The following TMEM245 variants were observed in gnomAD, a reference collection of about 807,000 sequenced individuals.
The protein encoded by TMEM245 is transmembrane protein 245, also known as protein CG-2.
Under a neutral mutation model 101.2 loss-of-function variants are expected in TMEM245, and 69 were observed. The ratio of observed to expected loss-of-function variants is 0.68; its 90% CI spans 0.56 to 0.83. TMEM245 has a LOEUF of 0.83. TMEM245 is among the 40% of genes least tolerant of loss of function. TMEM245 has a pLI of 0.00. For missense variants in TMEM245, 1,075 were observed against 1,092.8 expected (o/e 0.98, Z 0.23); for synonymous variants, 537 against 449.8 (o/e 1.19, Z -2.45).
chr9:109,070,464 A>C (rs1011266413), intron 9 of TMEM245, among the ~76,000 whole-genome samples: 4 of 151,814 alleles, frequency 2.6e-5, no homozygotes, highest in African/African-American at 9.7e-5. Flanking sequence ...TCACCAACTA[A>C]CCCCCTTAAG....
intron 7 of TMEM245, among the ~76,000 whole-genome samples, chr9:109,082,479 G>C (rs952316401): frequency 6.6e-6 from 1 of 152,234 alleles, no homozygotes; most frequent in Non-Finnish European, 1.5e-5. Flanking sequence ...CCTGGGGAAA[G>C]AGCTAGGTTT....
At position 109,020,214 on chromosome 9, in the gene TMEM245, G is replaced by A. The variant is rs1827576951; in HGVS notation, c.*246C>T. ...CAGTGTATAAAATGAAACTTTTCAA[G>A]CCATCTTAACAACAGTTAAGTGAGC... On this transcript the variant is annotated 3_prime_UTR_variant, in exon 18 of 18. Transcript: ENST00000374586. The A allele has an allele frequency of 3.8e-6, 2 of 519,972 alleles. No individual in the cohort carries two copies. The highest frequency in any genetic ancestry group is 7.0e-6 in the Non-Finnish European group (2 of 283,922). The allele number at this position is 519,972 out of a possible 1,614,324, so 32.2% of individuals were successfully genotyped here.
At chr9:109,030,934 T>C (rs1309005264) in intron 17 of TMEM245, among the ~76,000 whole-genome samples, 1 of 152,238 alleles carries the variant, frequency 6.6e-6, no homozygotes, top group African/African-American at 2.4e-5. Context: ...CATAAAAGTA[T>C]AAAATATTTT....
chr9:109,119,490 C>G lies in TMEM245; in HGVS notation c.424G>C (p.Ala142Pro). ...DYGVEALGEQ[A>P]LRRRRLLLLL... ...AGGAGCAGGCGGCGGCGGCGCAGCG[C>G]CTGCTCGCCCAGGGCCTCGACGCCG... Residue 142 changes from alanine (A) to proline (P), a missense_variant, in exon 1 of 18, where the codon GCG becomes CCG. Around this residue, in one of 2 missense-constraint regions of TMEM245, gnomAD observed 808 missense variants for 741.5 expected, o/e 1.09. Coordinates refer to ENST00000374586, the MANE Select transcript of TMEM245 (RefSeq NM_032012.4). 1 of 1,493,368 alleles carries G rather than the reference C, an allele frequency of 6.7e-7. No homozygotes were observed. The highest frequency in any genetic ancestry group is 8.8e-7 in the Non-Finnish European group (1 of 1,130,922). The allele number at this position is 1,493,368 out of a possible 1,614,324, so 92.5% of individuals were successfully genotyped here. A position where few individuals can be genotyped will look rare whatever the true frequency, so the allele number is the denominator to read the frequency against.
At chr9:109,090,131 C>CA (rs1303925062) in intron 5 of TMEM245, among the ~76,000 whole-genome samples, 2 of 152,076 alleles carry the variant, frequency 1.3e-5, no homozygotes, top group East Asian at 3.9e-4. Context: ...GGTGGTGGCG[C>CA]ATGCCTGTAG....
intron 10 of TMEM245, among the ~76,000 whole-genome samples, chr9:109,062,633 A>G (rs753386497): frequency 6.6e-6 from 1 of 152,180 alleles, no homozygotes; most frequent in African/African-American, 2.4e-5. Flanking sequence ...TTGTTCCTTT[A>G]TATTTGATTT....
At chr9:109,053,111 C>A (rs1828734025) in intron 12 of TMEM245, among the ~76,000 whole-genome samples, 1 of 152,124 alleles carries the variant, frequency 6.6e-6, no homozygotes, top group South Asian at 2.1e-4. Flanking sequence ...GAAAACAAAA[C>A]ACATTTATGG....
At chr9:109,045,731 G>C (rs1421013344) in intron 14 of TMEM245, among the ~76,000 whole-genome samples, 1 of 152,146 alleles carries the variant, frequency 6.6e-6, no homozygotes, top group Non-Finnish European at 1.5e-5. Context: ...ATTTACCTTG[G>C]AAACTTAAGT....
At chr9:109,077,069 T>C (rs933197743) in intron 8 of TMEM245, among the ~76,000 whole-genome samples, 1 of 151,234 alleles carries the variant, frequency 6.6e-6, no homozygotes, top group African/African-American at 2.4e-5. Flanking sequence ...AATATAATTT[T>C]TGTTATAATA....
At chr9:109,028,130 A>G (rs1443033267) in intron 17 of TMEM245, among the ~76,000 whole-genome samples, 2 of 151,824 alleles carry the variant, frequency 1.3e-5, no homozygotes, top group African/African-American at 4.8e-5. Flanking sequence ...TTTACATTAT[A>G]CTAACCCCAA....
chr9:109,030,331 A>AT (rs138490615), intron 17 of TMEM245, among the ~76,000 whole-genome samples: 10,241 of 152,268 alleles, frequency 0.067, 1,165 homozygotes, highest in African/African-American at 0.24. Context: ...GACAAAGGCT[A>AT]TATGGGTCCT....
chr9:109,118,678 A>G (rs1016715604), intron 1 of TMEM245, among the ~76,000 whole-genome samples: 8 of 152,368 alleles, frequency 5.3e-5, no homozygotes, highest in African/African-American at 1.9e-4. Flanking sequence ...CAGTCCCTGC[A>G]CAACAAAAGC....
chr9:109,032,123 C>G lies in TMEM245; in HGVS notation c.2594+1184G>C, dbSNP rs1037919044. Among the ~76,000 whole-genome samples the G allele has an allele frequency of 2.0e-5, 3 of 152,130 alleles. No homozygotes were observed. The East Asian group carries it at 5.8e-4, about 29-fold the overall frequency. ...ATAAGTGGCAGACATCATGACACGTCATCTTTAAAGGACATTCTTCTACAG... is the reference window on the plus strand; with the variant it reads ...ATAAGTGGCAGACATCATGACACGTGATCTTTAAAGGACATTCTTCTACAG... On this transcript the variant is annotated intron_variant, in intron 17 of 17. Coordinates refer to ENST00000374586, the MANE Select transcript of TMEM245 (RefSeq NM_032012.4).
chr9:109,086,150 G>A, intron 6 of TMEM245, 130 bp from the exon 7 acceptor site: 2 of 914,994 alleles, frequency 2.2e-6, no homozygotes, highest in Non-Finnish European at 3.4e-6. Context: ...GAAAAACTAG[G>A]GACGGAAAAA....
intron 9 of TMEM245, among the ~76,000 whole-genome samples, chr9:109,073,048 A>C (rs538849191): frequency 2.6e-5 from 4 of 152,278 alleles, no homozygotes; most frequent in African/African-American, 9.6e-5. Context: ...AATCTATCTC[A>C]CACAGTCACT....
intron 7 of TMEM245, among the ~76,000 whole-genome samples, chr9:109,085,399 A>G (rs948044909): frequency 2.0e-5 from 3 of 152,254 alleles, no homozygotes; most frequent in African/African-American, 4.8e-5. Flanking sequence ...ATGCCATACC[A>G]ATCATGTGAA....
intron 2 of TMEM245, among the ~76,000 whole-genome samples, chr9:109,108,121 G>A (rs58269953): frequency 0.015 from 2,324 of 151,912 alleles, 61 homozygotes; most frequent in African/African-American, 0.051. Flanking sequence ...TCTCACACAT[G>A]TCTCTGAGCA....
chr9:109,021,819 C>T (rs945419149), intron 17 of TMEM245, among the ~76,000 whole-genome samples: 1 of 151,754 alleles, frequency 6.6e-6, no homozygotes, highest in African/African-American at 2.4e-5. Context: ...ACCACCCCCC[C>T]AAAAAAAGCA....
At position 109,049,605 on chromosome 9, in the gene TMEM245, T is replaced by A. The variant is rs368122702; in HGVS notation, c.2123+678A>T. Among the ~76,000 whole-genome samples the A allele has an allele frequency of 4.6e-5, 7 of 152,264 alleles. No homozygotes were observed. In the South Asian group the frequency reaches 1.5e-3, roughly 32 times the overall value. ...ATTTTGGGAGGCCGAGGCAGGCAGA[T>A]CACTTAAGGTTAGGAGTTTGAGACC... is the stretch of plus-strand genomic sequence containing the variant. On this transcript the variant is annotated intron_variant, in intron 14 of 17. Coordinates refer to ENST00000374586, the MANE Select transcript of TMEM245 (RefSeq NM_032012.4).
Sources: allele counts gnomAD v4.1 joint callset (sites outside exome capture counted in the v4.1 genomes callset), GRCh38; gene constraint gnomAD v4.1.1; regional missense constraint gnomAD v4.1.1; transcripts MANE v1.5; gene names NCBI Gene and HGNC (gene_info 2026-07-23, HGNC 2026-07-21).